Variants in ADAMTSL1 observed in about 807,000 individuals in gnomAD.
The protein encoded by ADAMTSL1 is ADAMTS-like protein 1.
In ADAMTSL1, 126 loss-of-function variants were observed where a neutral mutation model predicts 201.8. The ratio of observed to expected loss-of-function variants is 0.62; its 90% CI spans 0.54 to 0.72. ADAMTSL1 has a LOEUF of 0.72. Ranked by LOEUF, ADAMTSL1 falls within the 30% of genes least tolerant of loss-of-function variation. The pLI, the probability that ADAMTSL1 is intolerant of heterozygous loss-of-function variation, is 0.00. For synonymous variants in ADAMTSL1, 1,121 were observed against 903.4 expected (o/e 1.24, Z -4.32); for missense variants, 2,679 against 2,277.8 (o/e 1.18, Z -3.59).
At chr9:18,451,429 G>A (rs183476836) in intron 2 of ADAMTSL1, among the ~76,000 whole-genome samples, 161 of 152,226 alleles carry the variant, frequency 1.1e-3, no homozygotes, top group African/African-American at 3.8e-3. Context: ...GTCTAAATAT[G>A]GTTATGTGTA....
At chr9:18,838,445 G>T (rs551772301) in intron 23 of ADAMTSL1, among the ~76,000 whole-genome samples, 1 of 151,522 alleles carries the variant, frequency 6.6e-6, no homozygotes, top group African/African-American at 2.4e-5. Context: ...GGAAGGTAGG[G>T]AAAGAGAGAA....
At chr9:18,373,393 A>G (rs1045621049) in intron 2 of ADAMTSL1, among the ~76,000 whole-genome samples, 3 of 152,194 alleles carry the variant, frequency 2.0e-5, no homozygotes, top group African/African-American at 7.2e-5. Flanking sequence ...ACTCTGCTGG[A>G]TGGGTAGCGC....
intron 2 of ADAMTSL1, among the ~76,000 whole-genome samples, chr9:18,425,099 T>A (rs1042796397): frequency 6.6e-6 from 1 of 152,128 alleles, no homozygotes; most frequent in African/African-American, 2.4e-5. Context: ...AACTGATTTA[T>A]CTGCTTTGCA....
intron 1 of ADAMTSL1, among the ~76,000 whole-genome samples, chr9:17,924,303 T>G (rs1826431418): frequency 6.6e-6 from 1 of 152,122 alleles, no homozygotes; most frequent in African/African-American, 2.4e-5. Flanking sequence ...CAATTTCAGC[T>G]CCCGTTATTG....
Position 17,912,256 on chromosome 9 carries a change from A to G in ADAMTSL1, c.87+5334A>G, listed in dbSNP as rs1398797632. Among the ~76,000 whole-genome samples, 121 of 66,946 alleles carry G rather than the reference A, an allele frequency of 1.8e-3. 38 individuals carry two copies. The highest frequency in any genetic ancestry group is 4.6e-3 in the Non-Finnish European group (100 of 21,662). 43.9% of individuals were successfully genotyped at this position (66,946 alleles called of 152,430 possible). On this transcript the variant is annotated intron_variant, in intron 1 of 29. Coordinates refer to the ADAMTSL1 transcript ENST00000680146. Reference sequence around the variant, plus strand: ...TCTAGTTCTAGATCCCTGAGGAATTACCACACTGACTTCCACAAGGGTTGA... The same window carrying G: ...TCTAGTTCTAGATCCCTGAGGAATTGCCACACTGACTTCCACAAGGGTTGA...
intron 2 of ADAMTSL1, among the ~76,000 whole-genome samples, chr9:18,217,309 G>A (rs974629195): frequency 6.6e-6 from 1 of 152,120 alleles, no homozygotes; most frequent in South Asian, 2.1e-4. Context: ...GCCCAGAGAG[G>A]TTCCATGATT....
chr9:18,177,491 T>G (rs937163769), intron 2 of ADAMTSL1, among the ~76,000 whole-genome samples: 2 of 152,190 alleles, frequency 1.3e-5, no homozygotes, highest in Non-Finnish European at 2.9e-5. Context: ...TGTTTTTTCC[T>G]TATGTAAAAG....
intron 16 of ADAMTSL1, among the ~76,000 whole-genome samples, chr9:18,753,755 C>T (rs1472993632): frequency 6.6e-6 from 1 of 152,184 alleles, no homozygotes; most frequent in East Asian, 1.9e-4. Flanking sequence ...ATCTGTTAAC[C>T]TGAGCATATT....
At chr9:18,354,001 G>A (rs377615874) in intron 2 of ADAMTSL1, among the ~76,000 whole-genome samples, 1 of 149,008 alleles carries the variant, frequency 6.7e-6, no homozygotes, top group Admixed American at 6.7e-5. Flanking sequence ...TTCTATACAT[G>A]TATACATCTT....
chr9:18,128,048 T>A (rs10963460), intron 1 of ADAMTSL1, among the ~76,000 whole-genome samples: 61,376 of 152,036 alleles, frequency 0.4, 13,532 homozygotes, highest in East Asian at 0.5. Context: ...CTCAGTTTTA[T>A]GTAAATTTTT....
At chr9:18,517,174 T>G (rs929202138) in intron 2 of ADAMTSL1, among the ~76,000 whole-genome samples, 2 of 152,178 alleles carry the variant, frequency 1.3e-5, no homozygotes, top group Non-Finnish European at 2.9e-5. Flanking sequence ...GCAAACCTTA[T>G]GGCATGTGTG....
chr9:18,425,500 G>A lies in ADAMTSL1; in HGVS notation c.208-79329G>A, dbSNP rs190476342. Among the ~76,000 whole-genome samples the A allele has an allele frequency of 2.2e-4, 33 of 152,190 alleles. No homozygotes were observed. In the East Asian group the frequency reaches 3.9e-3, roughly 18 times the overall value. On this transcript the variant is annotated intron_variant, in intron 2 of 29. Coordinates refer to the ADAMTSL1 transcript ENST00000680146. The stretch of plus-strand genomic sequence containing the variant: ...ATATCCAAGAGCACTTCAAATGTCC[G>A]AAACTCTGGTTAAGTATAGTTCTTA...
At chr9:18,256,610 G>A (rs1424879556) in intron 2 of ADAMTSL1, among the ~76,000 whole-genome samples, 1 of 152,172 alleles carries the variant, frequency 6.6e-6, no homozygotes, top group African/African-American at 2.4e-5. Flanking sequence ...AGCCCATTGG[G>A]GAAGACCAAG....
chr9:18,248,920 G>A (rs975017410), intron 2 of ADAMTSL1, among the ~76,000 whole-genome samples: 4 of 152,196 alleles, frequency 2.6e-5, no homozygotes, highest in Admixed American at 1.3e-4. Context: ...AAAGTACTAT[G>A]TGACATAGTA....
intron 2 of ADAMTSL1, among the ~76,000 whole-genome samples, chr9:18,312,467 T>C (rs903641973): frequency 6.6e-6 from 1 of 152,186 alleles, no homozygotes; most frequent in Non-Finnish European, 1.5e-5. Context: ...TGCTAAGTGG[T>C]GGCCTTATGC....
At chr9:18,157,245 C>T (rs1587182057) in intron 1 of ADAMTSL1, among the ~76,000 whole-genome samples, 1 of 152,052 alleles carries the variant, frequency 6.6e-6, no homozygotes, top group Non-Finnish European at 1.5e-5. Flanking sequence ...TTATACACTG[C>T]TCTGTGAGAA....
At chr9:18,845,895 C>G (rs1002749132) in intron 23 of ADAMTSL1, among the ~76,000 whole-genome samples, 4 of 152,214 alleles carry the variant, frequency 2.6e-5, no homozygotes, top group Non-Finnish European at 4.4e-5. Flanking sequence ...ATGTAACCCT[C>G]TCAAAGTAGG....
intron 1 of ADAMTSL1, among the ~76,000 whole-genome samples, chr9:18,018,029 T>A (rs1224141381): frequency 6.6e-6 from 1 of 152,088 alleles, no homozygotes; most frequent in Non-Finnish European, 1.5e-5. Flanking sequence ...TAGTGACCTC[T>A]TTTGGTACAG....
chr9:18,382,425 C>T (rs1403346331), intron 2 of ADAMTSL1, among the ~76,000 whole-genome samples: 1 of 152,030 alleles, frequency 6.6e-6, no homozygotes, highest in Non-Finnish European at 1.5e-5. Context: ...AGAGATAACT[C>T]CAAAATGCAT....
Sources: gnomAD v4.1 joint callset for allele counts (sites outside exome capture counted in the v4.1 genomes callset) on GRCh38, gnomAD v4.1.1 for gene constraint, MANE v1.5 for transcripts, NCBI Gene and HGNC (gene_info 2026-07-23, HGNC 2026-07-21) for gene names.